OLFML2A: variants seen among roughly 807,000 people sequenced by gnomAD.
The protein encoded by OLFML2A is olfactomedin like 2A.
A neutral mutation model predicts 60.9 loss-of-function variants in OLFML2A; 47 were observed. The observed-to-expected ratio is 0.77, with a 90% CI of 0.61 to 0.98. OLFML2A has a LOEUF of 0.98. OLFML2A is among the 50% of genes least tolerant of loss of function. The probability of loss-of-function intolerance (pLI) is 0.00; values close to 1 mark genes in which losing one functional copy is unlikely to be tolerated. For synonymous variants in OLFML2A, 372 were observed against 375.0 expected (o/e 0.99, Z 0.09); for missense variants, 922 against 879.8 (o/e 1.05, Z -0.61).
intron 2 of OLFML2A, among the ~76,000 whole-genome samples, chr9:124,788,330 G>A (rs1036604458): frequency 1.2e-4 from 18 of 151,130 alleles, no homozygotes; most frequent in African/African-American, 4.1e-4. Flanking sequence ...AACCCAGGCC[G>A]GGTGCAGTGG....
chr9:124,809,196 A>G (rs1841955202), intron 7 of OLFML2A, among the ~76,000 whole-genome samples: 1 of 152,066 alleles, frequency 6.6e-6, no homozygotes, highest in African/African-American at 2.4e-5. Flanking sequence ...AAGGCCTGGA[A>G]CAACTGAAAT....
Position 124,814,451 on chromosome 9 carries a change from CT to C in OLFML2A, c.*4040del, listed in dbSNP as rs1661309922. 1.3e-5 allele frequency: 2 copies of C among 148,592 alleles called. No homozygotes were observed. Among genetic ancestry groups the C allele is most frequent in the East Asian group, 4.7e-4 (2 of 4,236 alleles). The allele number at this position is 148,592 out of a possible 1,614,324, so 9.2% of individuals were successfully genotyped here. A position where few individuals can be genotyped will look rare whatever the true frequency, so the allele number is the denominator to read the frequency against. ...ACAAGACCCTTCTAGAGCTTTACCCCTAATCCCCCCCCAGGAGCCCCGAGGC... is the reference window on the plus strand; with the variant it reads ...ACAAGACCCTTCTAGAGCTTTACCCCAATCCCCCCCCAGGAGCCCCGAGGC... On this transcript the variant is annotated 3_prime_UTR_variant, in exon 8 of 8. Coordinates refer to ENST00000373580, the MANE Select transcript of OLFML2A (RefSeq NM_182487.4).
chr9:124,779,278 C>T lies in OLFML2A; in HGVS notation c.90+1918C>T, dbSNP rs1841316178. Among the ~76,000 whole-genome samples the T allele has an allele frequency of 6.6e-6, 1 of 152,194 alleles. No individual in the cohort carries two copies. The highest frequency in any genetic ancestry group is 2.1e-4 in the South Asian group (1 of 4,830). On this transcript the variant is annotated intron_variant, in intron 1 of 7. Transcript: ENST00000373580. The surrounding 1 kb of genome is among the most constrained non-coding windows in gnomAD (Gnocchi z 4.1). The stretch of plus-strand genomic sequence containing the variant: ...ATCTAAGAAACATCTCCCCAACCTT[C>T]CTTCCATATGGGGCCCTCTGGGATT...
In OLFML2A at chr9:124,814,315, G is replaced by A. The variant is rs918068384; in HGVS notation, c.*3903G>A. ...CTGGCTGGGAGTTAGGGAGCCCTGGGTTGGAATCCAGCCCCACCTCTTTTA... is the reference window on the plus strand; with the variant it reads ...CTGGCTGGGAGTTAGGGAGCCCTGGATTGGAATCCAGCCCCACCTCTTTTA... On this transcript the variant is annotated 3_prime_UTR_variant, in exon 8 of 8. Transcript: ENST00000373580. The A allele has an allele frequency of 3.9e-5, 6 of 152,530 alleles. No individual in the cohort carries two copies. The highest frequency in any genetic ancestry group is 1.2e-4 in the African/African-American group (5 of 41,584). The allele number at this position is 152,530 out of a possible 1,614,324, so 9.4% of individuals were successfully genotyped here. A position where few individuals can be genotyped will look rare whatever the true frequency, so the allele number is the denominator to read the frequency against.
chr9:124,807,070 T>C (rs1841908009), intron 6 of OLFML2A, among the ~76,000 whole-genome samples: 1 of 151,472 alleles, frequency 6.6e-6, no homozygotes, highest in African/African-American at 2.4e-5. Flanking sequence ...CACACCACTA[T>C]GCTCAGCTAA....
rs140889485 is a variant in OLFML2A, at chr9:124,797,768, C to T, written c.463-1517C>T. 2.4e-3 allele frequency among the ~76,000 whole-genome samples: 362 copies of T among 152,334 alleles called. 2 individuals carry two copies. Among genetic ancestry groups the T allele is most frequent in the African/African-American group, 8.3e-3 (346 of 41,572 alleles). ...GGCCCCCCAGGTTTCCAAGTCCTCT[C>T]CAGTGAACAAGGCCAGCTTGGGTGA... On this transcript the variant is annotated intron_variant, in intron 3 of 7. Coordinates refer to ENST00000373580, the MANE Select transcript of OLFML2A (RefSeq NM_182487.4).
At position 124,801,479 on chromosome 9, in the gene OLFML2A, C is replaced by A; in HGVS notation, c.735C>A (p.Asp245Glu). Reference sequence around the variant, plus strand: ...GCAGTGTGCAGAAAAGCTTTGCAGACAGAGGCCTCCCAAAACCTCCCAAGG... The same window carrying A: ...GCAGTGTGCAGAAAAGCTTTGCAGAAAGAGGCCTCCCAAAACCTCCCAAGG... ...KYGSVQKSFA[D>E]RGLPKPPKEK... The change falls in exon 5 of 8, where the codon GAC (aspartate) becomes GAA (glutamate). Residue 245 changes from aspartate to glutamate, a missense_variant. Coordinates refer to ENST00000373580, the MANE Select transcript of OLFML2A (RefSeq NM_182487.4). The A allele has an allele frequency of 1.2e-6, 2 of 1,614,032 alleles. No individual in the cohort carries two copies. The highest frequency in any genetic ancestry group is 1.7e-6 in the Non-Finnish European group (2 of 1,179,972).
intron 4 of OLFML2A, among the ~76,000 whole-genome samples, 196 bp downstream of exon 4, chr9:124,799,687 G>A (rs940633658): frequency 6.6e-6 from 1 of 152,224 alleles, no homozygotes. Context: ...AGTCAGCACA[G>A]GGAATGGGGG....
In OLFML2A at chr9:124,777,314, CG is replaced by C; in HGVS notation, c.45del (p.Leu16Ter). ...CCGCCCCGGCCGCTGCTCCTTCTGC[CG>C]CTAGTGCTGCTGCTGAGCGGCCGCC... is the stretch of plus-strand genomic sequence containing the variant. The part of the protein sequence containing the change: ...ALPPRPLLLL[P>X]LVLLLSGRPT... On this transcript the variant is annotated frameshift_variant, in exon 1 of 8. Coordinates refer to ENST00000373580, the MANE Select transcript of OLFML2A (RefSeq NM_182487.4). LOFTEE classifies it high-confidence loss of function. This position sits in a 1 kb window ranked among gnomAD's most constrained non-coding sequence, Gnocchi z 6.2. 2.3e-6 allele frequency: 3 copies of C among 1,298,230 alleles called. No individual in the cohort carries two copies. Among genetic ancestry groups the C allele is most frequent in the Non-Finnish European group, 2.9e-6 (3 of 1,017,236 alleles). The allele number at this position is 1,298,230 out of a possible 1,614,324, so 80.4% of individuals were successfully genotyped here.
At chr9:124,789,059 A>G (rs935722067) in intron 2 of OLFML2A, among the ~76,000 whole-genome samples, 7 of 152,098 alleles carry the variant, frequency 4.6e-5, no homozygotes, top group African/African-American at 1.7e-4. Flanking sequence ...CAGCCTCCCA[A>G]GCTGGGACCA....
chr9:124,805,768 A>C (rs1841882354), intron 6 of OLFML2A, among the ~76,000 whole-genome samples: 1 of 151,586 alleles, frequency 6.6e-6, no homozygotes, highest in African/African-American at 2.4e-5. Flanking sequence ...TATTTAAATA[A>C]AATTTTATTA....
chr9:124,782,017 G>T lies in OLFML2A; in HGVS notation c.90+4657G>T, dbSNP rs374547540. On this transcript the variant is annotated intron_variant, in intron 1 of 7. Transcript: ENST00000373580. The stretch of plus-strand genomic sequence containing the variant: ...TTTGGCATCTGTGTGTGCTGAGCAA[G>T]GCTGCAGGGAGAGATGCAGGGCCAA... Among the ~76,000 whole-genome samples, 27 of 152,332 alleles carry T rather than the reference G, an allele frequency of 1.8e-4. No homozygotes were observed. In the South Asian group the frequency reaches 5.0e-3, roughly 28 times the overall value.
At chr9:124,809,372 CCTCA>C (rs1397233970) in intron 7 of OLFML2A, among the ~76,000 whole-genome samples, 1 of 151,964 alleles carries the variant, frequency 6.6e-6, no homozygotes, top group East Asian at 1.9e-4. Flanking sequence ...AGGAGAGGCC[CCTCA>C]CTCAGGCTAG....
chr9:124,798,617 T>C (rs1319422330), intron 3 of OLFML2A, among the ~76,000 whole-genome samples: 25 of 151,688 alleles, frequency 1.6e-4, no homozygotes, highest in African/African-American at 6.0e-4. Context: ...GCGGATCACT[T>C]GAGGCCAGGA....
intron 1 of OLFML2A, among the ~76,000 whole-genome samples, chr9:124,785,374 G>A (rs2131245539): frequency 6.7e-6 from 1 of 148,172 alleles, no homozygotes; most frequent in South Asian, 2.1e-4. Context: ...TCTTTGTTTG[G>A]ATACCCATTT....
chr9:124,798,724 CT>C (rs962652442), intron 3 of OLFML2A, among the ~76,000 whole-genome samples: 1 of 126,998 alleles, frequency 7.9e-6, no homozygotes, highest in African/African-American at 3.2e-5. Flanking sequence ...GTCCCAGCTA[CT>C]CAAAAAAAAA....
At chr9:124,793,330 G>A (rs1310345211) in intron 2 of OLFML2A, among the ~76,000 whole-genome samples, 2 of 152,196 alleles carry the variant, frequency 1.3e-5, no homozygotes, top group Non-Finnish European at 2.9e-5. Context: ...ACAGAGGAGA[G>A]GGAGAGGGGG....
rs746989826 is a variant in OLFML2A at position 124,786,961 on chromosome 9, G to GC, written c.91-8dup. ...GCAGCAACTCACTGGAGCCCCTCTTGCCCCCCGCAACAGGTGTTTGGGGAC... is the reference window on the plus strand; with the variant it reads ...GCAGCAACTCACTGGAGCCCCTCTTGCCCCCCCGCAACAGGTGTTTGGGGAC... On this transcript the variant is annotated splice_polypyrimidine_tract_variant and intron_variant, in intron 1 of 7. Coordinates refer to ENST00000373580, the MANE Select transcript of OLFML2A (RefSeq NM_182487.4). 1.2e-6 allele frequency: 2 copies of GC among 1,601,568 alleles called. No individual in the cohort carries two copies.
At chr9:124,789,849 C>T (rs1239075952) in intron 2 of OLFML2A, among the ~76,000 whole-genome samples, 2 of 152,196 alleles carry the variant, frequency 1.3e-5, no homozygotes, top group East Asian at 1.9e-4. Context: ...GCTTGGCAGT[C>T]CCTGGATCAC....
Sources: allele counts gnomAD v4.1 joint callset (sites outside exome capture counted in the v4.1 genomes callset), GRCh38; gene constraint gnomAD v4.1.1; non-coding constraint Gnocchi (gnomAD v3.1); transcripts MANE v1.5; gene names NCBI Gene and HGNC (gene_info 2026-07-23, HGNC 2026-07-21).